TMEM132D: variants seen among roughly 807,000 people sequenced by gnomAD.
The protein encoded by TMEM132D is mature OL transmembrane protein.
Under a neutral mutation model 62.3 loss-of-function variants are expected in TMEM132D, and 21 were observed. That is an observed-to-expected ratio of 0.34 (90% confidence interval 0.24 to 0.49). TMEM132D has a LOEUF of 0.49. Among genes scored for constraint, TMEM132D ranks in the 20% least tolerant of loss-of-function variants. The pLI is 0.99. For synonymous variants in TMEM132D, 621 were observed against 575.6 expected (o/e 1.08, Z -1.13); for missense variants, 1,346 against 1,402.8 (o/e 0.96, Z 0.65).
chr12:129,357,221 T>C (rs1180161786), intron 3 of TMEM132D, among the ~76,000 whole-genome samples: 1 of 136,914 alleles, frequency 7.3e-6, no homozygotes, highest in Non-Finnish European at 1.5e-5. Context: ...CACTCCAGCC[T>C]GGGTGACAGA....
chr12:129,294,788 T>C (rs1881528274), intron 4 of TMEM132D, among the ~76,000 whole-genome samples: 1 of 152,262 alleles, frequency 6.6e-6, no homozygotes. Context: ...ACCTCTGCTC[T>C]GCTAATCTAG....
In TMEM132D at chr12:129,074,636, T is replaced by C. The variant is rs1468520432; in HGVS notation, c.2539A>G (p.Met847Val). 2.5e-6 allele frequency: 4 copies of C among 1,614,102 alleles called. No homozygotes were observed. Among genetic ancestry groups the C allele is most frequent in the Non-Finnish European group, 3.4e-6 (4 of 1,180,004 alleles). The change falls in exon 9 of 9, where the codon ATG becomes GTG. Residue 847 changes from methionine (M) to valine (V), a missense_variant. Met to Val is a conservative substitution (Grantham distance 21, BLOSUM62 1). Coordinates refer to ENST00000422113, the MANE Select transcript of TMEM132D (RefSeq NM_133448.3). ...QEGQYYGSSS[M>V]GLMEGRGTTT... ...GTGCCCCGTCCCTCCATGAGTCCCA[T>C]AGAAGAACTGCCATAGTACTGTCCT...
At chr12:129,121,160 A>T (rs994013950) in intron 5 of TMEM132D, among the ~76,000 whole-genome samples, 1 of 152,154 alleles carries the variant, frequency 6.6e-6, no homozygotes, top group Non-Finnish European at 1.5e-5. Context: ...CAATGGCACA[A>T]TCTCGGCTCA....
At chr12:129,416,693 C>T (rs1872131339) in intron 3 of TMEM132D, among the ~76,000 whole-genome samples, 1 of 152,042 alleles carries the variant, frequency 6.6e-6, no homozygotes, top group African/African-American at 2.4e-5. Context: ...ATGGGTTTTT[C>T]ATAAGTATTT....
rs1208279532 is a variant in TMEM132D at position 129,220,188 on chromosome 12, T to A, written c.1300-10525A>T. 2.0e-5 allele frequency among the ~76,000 whole-genome samples: 3 copies of A among 152,206 alleles called. No individual in the cohort carries two copies. In the East Asian group the frequency reaches 5.8e-4, roughly 29 times the overall value. ...TTGAAGAAACAGATTTCAGCTGAGT[T>A]CCCAAGAGCAATGCCTGGAACCAGA... On this transcript the variant is annotated intron_variant, in intron 4 of 8. Coordinates refer to ENST00000422113, the MANE Select transcript of TMEM132D (RefSeq NM_133448.3).
At chr12:129,630,949 A>G (rs192272001) in intron 2 of TMEM132D, among the ~76,000 whole-genome samples, 36 of 152,284 alleles carry the variant, frequency 2.4e-4, no homozygotes, top group African/African-American at 7.7e-4. Flanking sequence ...AAGTGAGAAC[A>G]TAAGGTACTT....
intron 7 of TMEM132D, 43 bp from the exon 8 acceptor site, chr12:129,078,768 T>C (rs1359832683): frequency 6.3e-7 from 1 of 1,594,502 alleles, no homozygotes; most frequent in African/African-American, 1.3e-5. Flanking sequence ...CTTTCTGTGG[T>C]CCAGGCAATG....
At chr12:129,696,052 G>A (rs138376965) in intron 2 of TMEM132D, among the ~76,000 whole-genome samples, 3 of 152,276 alleles carry the variant, frequency 2.0e-5, no homozygotes, top group Non-Finnish European at 4.4e-5. Flanking sequence ...AGGTTCAAAG[G>A]TTACATCATT....
intron 4 of TMEM132D, among the ~76,000 whole-genome samples, chr12:129,257,595 CAGTCT>C (rs1405310160): frequency 6.6e-6 from 1 of 152,194 alleles, no homozygotes; most frequent in African/African-American, 2.4e-5. Flanking sequence ...CTTCCCTTCT[CAGTCT>C]AGTCCAAGTG....
chr12:129,283,847 T>C (rs1327050228), intron 4 of TMEM132D, among the ~76,000 whole-genome samples: 3 of 152,200 alleles, frequency 2.0e-5, no homozygotes, highest in Non-Finnish European at 4.4e-5. Flanking sequence ...CTCCGACAAT[T>C]CCTCCTCTCT....
intron 5 of TMEM132D, among the ~76,000 whole-genome samples, chr12:129,132,026 A>AT (rs1199645802): frequency 1.3e-5 from 2 of 152,248 alleles, no homozygotes; most frequent in African/African-American, 2.4e-5. Flanking sequence ...GGACAAAGTA[A>AT]TTATCTCTAT....
chr12:129,444,638 G>A (rs1218182682), intron 3 of TMEM132D, among the ~76,000 whole-genome samples: 1 of 152,148 alleles, frequency 6.6e-6, no homozygotes. Context: ...ACAGGCCCCA[G>A]TTGTGTTGTT....
chr12:129,292,942 G>C (rs1881485118), intron 4 of TMEM132D, among the ~76,000 whole-genome samples: 1 of 152,192 alleles, frequency 6.6e-6, no homozygotes, highest in Admixed American at 6.5e-5. Flanking sequence ...CAAACTAAAA[G>C]GGAGGGAGGG....
chr12:129,523,558 G>A (rs1397887293), intron 3 of TMEM132D, among the ~76,000 whole-genome samples: 3 of 152,316 alleles, frequency 2.0e-5, no homozygotes, highest in East Asian at 1.9e-4. Context: ...TAGCAAAGAC[G>A]CGTGGCGGTA....
Position 129,371,614 on chromosome 12 carries a change from A to ATGATGATGGTGG in TMEM132D, c.1116-33809_1116-33798dup, listed in dbSNP as rs1193995402. 2.0e-5 allele frequency among the ~76,000 whole-genome samples: 3 copies of ATGATGATGGTGG among 151,690 alleles called. No homozygotes were observed. The highest frequency in any genetic ancestry group is 4.4e-5 in the Non-Finnish European group (3 of 67,934). On this transcript the variant is annotated intron_variant, in intron 3 of 8. Transcript: ENST00000422113. This position sits in a 1 kb window ranked among gnomAD's most constrained non-coding sequence, Gnocchi z 4.3. Reference sequence around the variant, plus strand: ...ACAATGATCATGGCAGATTGTGGTGATGATGATGGTGGTGATGGTGATGGT... The same window carrying ATGATGATGGTGG: ...ACAATGATCATGGCAGATTGTGGTGATGATGATGGTGGTGATGATGGTGGTGATGGTGATGGT...
At chr12:129,733,883 C>A (rs1869335440) in intron 1 of TMEM132D, among the ~76,000 whole-genome samples, 2 of 152,202 alleles carry the variant, frequency 1.3e-5, no homozygotes, top group Non-Finnish European at 2.9e-5. Flanking sequence ...ATGAGGCATG[C>A]TCCCCACGGA....
chr12:129,289,660 C>A (rs1379136081), intron 4 of TMEM132D, among the ~76,000 whole-genome samples: 2 of 151,268 alleles, frequency 1.3e-5, no homozygotes, highest in African/African-American at 4.9e-5. Flanking sequence ...TGACTTCAAT[C>A]ACAAAAAAAT....
intron 1 of TMEM132D, among the ~76,000 whole-genome samples, chr12:129,799,211 G>A (rs1009589658): frequency 6.6e-6 from 1 of 152,142 alleles, no homozygotes; most frequent in Non-Finnish European, 1.5e-5. Flanking sequence ...GTTGCAGTGA[G>A]CTGAGATCGC....
intron 4 of TMEM132D, among the ~76,000 whole-genome samples, chr12:129,219,623 C>A (rs1006144253): frequency 6.6e-6 from 1 of 152,210 alleles, no homozygotes; most frequent in Non-Finnish European, 1.5e-5. Flanking sequence ...AAAGGGGGCA[C>A]ACCTGGGCCT....
Sources: allele counts gnomAD v4.1 joint callset (sites outside exome capture counted in the v4.1 genomes callset), GRCh38; gene constraint gnomAD v4.1.1; non-coding constraint Gnocchi (gnomAD v3.1); transcripts MANE v1.5; gene names NCBI Gene and HGNC (gene_info 2026-07-23, HGNC 2026-07-21).